The following ZNF287 variants were observed in gnomAD, a reference collection of about 807,000 sequenced individuals.
ZNF287 encodes the protein zinc finger protein 287, also known as zinc finger protein with KRAB and SCAN domains 13.
Under a neutral mutation model 73.7 loss-of-function variants are expected in ZNF287, and 31 were observed. The ratio of observed to expected loss-of-function variants is 0.42; its 90% CI spans 0.32 to 0.57. The LOEUF (loss-of-function observed/expected upper bound fraction) is 0.57, where lower values mean the gene tolerates loss of function less well. Ranked by LOEUF, ZNF287 falls within the 20% of genes least tolerant of loss-of-function variation. The pLI is 0.13. For synonymous variants in ZNF287, 301 were observed against 307.2 expected, an observed-to-expected ratio of 0.98 and a Z score of 0.21; for missense variants, 641 against 909.3, an observed-to-expected ratio of 0.70 and a Z score of 3.79.
In ZNF287 at chr17:16,550,766, T is replaced by C. The variant is rs1184139249; in HGVS notation, c.*1090A>G. ...AAGAAACGTGTTTCAGTGGAAGAAA[T>C]GAACTTTCCATAGTAAAACAGTCAC... On this transcript the variant is annotated 3_prime_UTR_variant, in exon 6 of 6. Coordinates refer to ENST00000395825, the MANE Select transcript of ZNF287 (RefSeq NM_020653.4). Among the ~76,000 whole-genome samples the C allele has an allele frequency of 1.3e-5, 2 of 152,162 alleles. No homozygotes were observed. Among genetic ancestry groups the C allele is most frequent in the Non-Finnish European group, 1.5e-5 (1 of 68,020 alleles).
rs571161905 is a variant in ZNF287 at position 16,556,115 on chromosome 17, C to G, written c.716-2689G>C. Reference sequence around the variant, plus strand: ...AGCAGGTGTATAAAAAAATGTAGAGCAAGATCCTAGCTGTGTAAAGATATG... The same window carrying G: ...AGCAGGTGTATAAAAAAATGTAGAGGAAGATCCTAGCTGTGTAAAGATATG... On this transcript the variant is annotated intron_variant, in intron 5 of 5. Coordinates refer to ENST00000395825, the MANE Select transcript of ZNF287 (RefSeq NM_020653.4). Among the ~76,000 whole-genome samples the G allele has an allele frequency of 5.3e-5, 8 of 151,084 alleles. No homozygotes were observed. The South Asian group carries it at 1.7e-3, about 32-fold the overall frequency.
At chr17:16,564,666 A>C (rs8069772) in intron 3 of ZNF287, among the ~76,000 whole-genome samples, 11,052 of 152,254 alleles carry the variant, frequency 0.073, 1,363 homozygotes, top group African/African-American at 0.25. Flanking sequence ...GATACCAATA[A>C]TCACAGTGTT....
chr17:16,556,442 C>G (rs1399699708), intron 5 of ZNF287, among the ~76,000 whole-genome samples: 3 of 152,008 alleles, frequency 2.0e-5, no homozygotes, highest in Non-Finnish European at 4.4e-5. Flanking sequence ...TTTCTGGTTT[C>G]TAATTTTCAG....
At chr17:16,559,475 G>A (rs1907281078) in intron 5 of ZNF287, among the ~76,000 whole-genome samples, 1 of 152,038 alleles carries the variant, frequency 6.6e-6, no homozygotes, top group Non-Finnish European at 1.5e-5. Context: ...TAAGAAAGGA[G>A]ATACAAAATG....
intron 5 of ZNF287, among the ~76,000 whole-genome samples, chr17:16,561,536 G>A (rs1299018140): frequency 6.6e-6 from 1 of 152,104 alleles, no homozygotes; most frequent in African/African-American, 2.4e-5. Context: ...CATCACCAAT[G>A]ATGAGATGAA....
chr17:16,564,164 A>G (rs898838279), intron 3 of ZNF287, among the ~76,000 whole-genome samples: 4 of 152,230 alleles, frequency 2.6e-5, no homozygotes, highest in African/African-American at 7.2e-5. Flanking sequence ...TAGTGCATGC[A>G]TTGCTGGCAG....
chr17:16,562,926 A>G (rs1203771692), intron 5 of ZNF287, among the ~76,000 whole-genome samples: 1 of 152,224 alleles, frequency 6.6e-6, no homozygotes, highest in Non-Finnish European at 1.5e-5. Flanking sequence ...GTAGAAGGAT[A>G]AAATGAGAAG....
intron 4 of ZNF287, 105 bp downstream of exon 4, chr17:16,563,594 A>T: frequency 7.6e-7 from 1 of 1,317,424 alleles, no homozygotes; most frequent in Non-Finnish European, 1.0e-6. Flanking sequence ...TGAATGAGAT[A>T]AGAACATTTA....
chr17:16,568,849 C>T (rs1233261087), intron 1 of ZNF287, 103 bp downstream of exon 1: 1 of 152,360 alleles, frequency 6.6e-6, no homozygotes, highest in African/African-American at 2.4e-5. Context: ...TCCACCCCGT[C>T]TTTGCCCTCC....
chr17:16,563,210 A>C lies in ZNF287; in HGVS notation c.651T>G (p.Thr217=). Residue 217 remains threonine, a synonymous_variant, in exon 5 of 6, where the codon ACT becomes ACG. Coordinates refer to ENST00000395825, the MANE Select transcript of ZNF287 (RefSeq NM_020653.4). ...VSLGLTVYRP[T]VIPILEEPWM... ...ATGGTTCTTCCAATATGGGAATCACAGTTGGTCTGTACACTGTAAGTCCTG... is the reference window on the plus strand; with the variant it reads ...ATGGTTCTTCCAATATGGGAATCACCGTTGGTCTGTACACTGTAAGTCCTG... 1 of 1,613,662 alleles carries C rather than the reference A, an allele frequency of 6.2e-7. No individual in the cohort carries two copies. Among genetic ancestry groups the C allele is most frequent in the East Asian group, 2.2e-5 (1 of 44,866 alleles).
chr17:16,559,434 G>C (rs1907278388), intron 5 of ZNF287, among the ~76,000 whole-genome samples: 2 of 152,098 alleles, frequency 1.3e-5, no homozygotes, highest in African/African-American at 2.4e-5. Flanking sequence ...TAAATATACT[G>C]ATGTTGTTGG....
Position 16,551,812 on chromosome 17 carries a change from A to G in ZNF287, c.*44T>C. 6.5e-7 allele frequency: 1 copy of G among 1,532,884 alleles called. No homozygotes were observed. 95.0% of individuals were successfully genotyped at this position (1,532,884 alleles called of 1,614,324 possible). ...TGACACATAGAATGCACAAAACAAAATTGAAACAAAGTTGTAAAACCGAAT... is the reference window on the plus strand; with the variant it reads ...TGACACATAGAATGCACAAAACAAAGTTGAAACAAAGTTGTAAAACCGAAT... On this transcript the variant is annotated 3_prime_UTR_variant, in exon 6 of 6. Coordinates refer to ENST00000395825, the MANE Select transcript of ZNF287 (RefSeq NM_020653.4).
In ZNF287 at chr17:16,547,702, C is replaced by A. The variant is rs1906359050; in HGVS notation, c.*4154G>T. On this transcript the variant is annotated 3_prime_UTR_variant, in exon 6 of 6. Coordinates refer to ENST00000395825, the MANE Select transcript of ZNF287 (RefSeq NM_020653.4). ...CTAAATAGCTACCTATTAAAAGGAG[C>A]CAGGGATTCTTGGAAAAAGGTTTCA... is the stretch of plus-strand genomic sequence containing the variant. Among the ~76,000 whole-genome samples the A allele has an allele frequency of 6.6e-6, 1 of 152,136 alleles. No individual in the cohort carries two copies. Among genetic ancestry groups the A allele is most frequent in the African/African-American group, 2.4e-5 (1 of 41,426 alleles).
At chr17:16,555,601 AACACACAC>A (rs201011881) in intron 5 of ZNF287, among the ~76,000 whole-genome samples, 47 of 128,228 alleles carry the variant, frequency 3.7e-4, no homozygotes, top group African/African-American at 1.1e-3. Context: ...CACATAACCA[AACACACAC>A]ACACACACAC....
chr17:16,560,222 A>G lies in ZNF287; in HGVS notation c.715+2924T>C, dbSNP rs535847355. On this transcript the variant is annotated intron_variant, in intron 5 of 5. Coordinates refer to ENST00000395825, the MANE Select transcript of ZNF287 (RefSeq NM_020653.4). ...AGTGATCCACCTACCTTGGCCTCCT[A>G]AAGTGCTGGGATTACAGGAGTAAGC... is the stretch of plus-strand genomic sequence containing the variant. Among the ~76,000 whole-genome samples the G allele has an allele frequency of 8.6e-5, 13 of 151,892 alleles. No individual in the cohort carries two copies. The South Asian group carries it at 2.7e-3, about 32-fold the overall frequency.
intron 5 of ZNF287, among the ~76,000 whole-genome samples, chr17:16,560,284 T>A (rs1387421430): frequency 1.4e-5 from 2 of 147,894 alleles, no homozygotes; most frequent in Non-Finnish European, 3.0e-5. Context: ...ATTGAATTTT[T>A]AAAATTTCCA....
Position 16,569,158 on chromosome 17 carries a change from G to A in ZNF287, c.-405C>T, listed in dbSNP as rs372153944. On this transcript the variant is annotated 5_prime_UTR_variant, in exon 1 of 6. Transcript: ENST00000395825. The stretch of plus-strand genomic sequence containing the variant: ...GCCCGGTCCTGAGAAGCCCGGCCCA[G>A]AAACCCCGGCGCCTCTGCTTAGCCG... 6.6e-6 allele frequency: 1 copy of A among 152,564 alleles called. No individual in the cohort carries two copies. The highest frequency in any genetic ancestry group is 2.4e-5 in the African/African-American group (1 of 41,596). The allele number at this position is 152,564 out of a possible 1,614,324, so 9.5% of individuals were successfully genotyped here. A position where few individuals can be genotyped will look rare whatever the true frequency, so the allele number is the denominator to read the frequency against.
chr17:16,562,713 AAAAG>A (rs1256771398), intron 5 of ZNF287, among the ~76,000 whole-genome samples: 1 of 152,246 alleles, frequency 6.6e-6, no homozygotes, highest in African/African-American at 2.4e-5. Context: ...TAGAAAATAA[AAAAG>A]AAAGGGATGA....
At chr17:16,565,584 T>A in intron 3 of ZNF287, among the ~76,000 whole-genome samples, 1 of 152,194 alleles carries the variant, frequency 6.6e-6, no homozygotes, top group East Asian at 1.9e-4. Context: ...TATCAATGAA[T>A]AATCATTTTA....
Sources: allele counts gnomAD v4.1 joint callset (sites outside exome capture counted in the v4.1 genomes callset), GRCh38; gene constraint gnomAD v4.1.1; transcripts MANE v1.5; gene names NCBI Gene and HGNC (gene_info 2026-07-23, HGNC 2026-07-21).